Variants in MBD5 observed in about 807,000 individuals in gnomAD.
The protein encoded by MBD5 is methyl-CpG binding domain protein 5, also known as methyl-CpG-binding domain protein 5.
MBD5 carries 13 observed loss-of-function variants against 117.3 expected under a neutral mutation model. The ratio of observed to expected loss-of-function variants is 0.11; its 90% CI spans 0.07 to 0.18. The LOEUF (loss-of-function observed/expected upper bound fraction) is 0.18, where lower values mean the gene tolerates loss of function less well. Ranked by LOEUF, MBD5 falls within the 10% of genes least tolerant of loss-of-function variation. The pLI is 1.00. For missense variants in MBD5, 1,879 were observed against 2,093.8 expected (o/e 0.90, Z 2.00); for synonymous variants, 727 against 766.4 (o/e 0.95, Z 0.85).
At chr2:148,202,747 G>T (rs1314075312) in intron 2 of MBD5, among the ~76,000 whole-genome samples, 1 of 151,956 alleles carries the variant, frequency 6.6e-6, no homozygotes, top group Non-Finnish European at 1.5e-5. Context: ...AGTTCTTTAG[G>T]CCAGGTGTGG....
intron 1 of MBD5, among the ~76,000 whole-genome samples, chr2:148,096,197 A>G (rs1346849716): frequency 6.6e-6 from 1 of 152,186 alleles, no homozygotes; most frequent in Admixed American, 6.5e-5. Flanking sequence ...AAGCTGTAGA[A>G]TCATACAATA....
At chr2:148,329,873 G>T (rs970379338) in intron 3 of MBD5, among the ~76,000 whole-genome samples, 16 of 151,998 alleles carry the variant, frequency 1.1e-4, no homozygotes, top group African/African-American at 3.6e-4. Context: ...CATTAGGCTT[G>T]TTTTATAAAA....
intron 4 of MBD5, among the ~76,000 whole-genome samples, chr2:148,391,631 T>C (rs920221413): frequency 3.3e-5 from 5 of 152,178 alleles, no homozygotes; most frequent in Non-Finnish European, 5.9e-5. Flanking sequence ...CTCTCTAATA[T>C]GGTCATCTTC....
At chr2:148,202,877 A>C (rs1699177668) in intron 2 of MBD5, among the ~76,000 whole-genome samples, 1 of 152,074 alleles carries the variant, frequency 6.6e-6, no homozygotes, top group African/African-American at 2.4e-5. Flanking sequence ...TAAATAAATA[A>C]TAAAAAGCAA....
intron 2 of MBD5, among the ~76,000 whole-genome samples, chr2:148,205,503 T>C (rs188853648): frequency 1.7e-4 from 26 of 152,100 alleles, no homozygotes; most frequent in African/African-American, 5.5e-4. Flanking sequence ...ATATGATGAA[T>C]GAAAGAAAAA....
intron 4 of MBD5, among the ~76,000 whole-genome samples, chr2:148,438,065 G>T (rs1334733231): frequency 6.6e-6 from 1 of 152,168 alleles, no homozygotes; most frequent in Non-Finnish European, 1.5e-5. Context: ...TACTTTCGTG[G>T]AGTCAAATTT....
In MBD5 at chr2:148,352,969, A is replaced by G. The variant is rs574701714; in HGVS notation, c.-557+10633A>G. Among the ~76,000 whole-genome samples the G allele has an allele frequency of 3.9e-5, 6 of 152,248 alleles. 1 individual carries two copies. In the South Asian group the frequency reaches 1.2e-3, roughly 32 times the overall value. On this transcript the variant is annotated intron_variant, in intron 4 of 13. Transcript: ENST00000642680. ...GAAATCAAAACTGTCATGTTTCTGG[A>G]GAAAGCATATGTAAAATTTTACTCA...
rs548361130 is a variant in MBD5, at chr2:148,156,919, G to A, written c.-924-21781G>A. ...CAGAAAGCTTATCTGCCTATTGACT[G>A]CTCCTCTTCCATAGCTAGCACAGTT... On this transcript the variant is annotated intron_variant, in intron 1 of 13. Transcript: ENST00000642680. 2.0e-5 allele frequency among the ~76,000 whole-genome samples: 3 copies of A among 152,162 alleles called. No homozygotes were observed. The South Asian group carries it at 6.2e-4, about 32-fold the overall frequency.
At chr2:148,285,424 A>G (rs900421423) in intron 3 of MBD5, among the ~76,000 whole-genome samples, 4 of 152,246 alleles carry the variant, frequency 2.6e-5, no homozygotes, top group Non-Finnish European at 5.9e-5. Flanking sequence ...TAAACATACT[A>G]AAAGAAAGAA....
intron 3 of MBD5, among the ~76,000 whole-genome samples, chr2:148,294,196 GTTTTTTTTTT>G (rs60942822): frequency 3.9e-5 from 5 of 127,146 alleles, no homozygotes; most frequent in Admixed American, 3.2e-4. Flanking sequence ...CCAGAATGAA[GTTTTTTTTTT>G]TTTTTTTTTT....
At chr2:148,225,797 A>G (rs1699803630) in intron 2 of MBD5, among the ~76,000 whole-genome samples, 1 of 152,158 alleles carries the variant, frequency 6.6e-6, no homozygotes, top group Non-Finnish European at 1.5e-5. Flanking sequence ...TGGCCTGTGA[A>G]GTATGAAATG....
At chr2:148,025,082 G>T (rs1693858753) in intron 1 of MBD5, 1 of 152,160 alleles carries the variant, frequency 6.6e-6, no homozygotes, top group Admixed American at 6.5e-5. Flanking sequence ...TTGCAAACTT[G>T]TCTGGATTTT....
chr2:148,287,845 C>T (rs1701399548), intron 3 of MBD5, among the ~76,000 whole-genome samples: 1 of 152,148 alleles, frequency 6.6e-6, no homozygotes, highest in Non-Finnish European at 1.5e-5. Context: ...GCAGACCCCT[C>T]ATAACCTAAT....
chr2:148,452,565 T>C (rs901017292), intron 4 of MBD5, among the ~76,000 whole-genome samples: 1 of 143,820 alleles, frequency 7.0e-6, no homozygotes, highest in East Asian at 2.1e-4. Flanking sequence ...TATTATTAGG[T>C]TGACAATAAT....
intron 3 of MBD5, among the ~76,000 whole-genome samples, chr2:148,267,574 C>T (rs1248610561): frequency 2.0e-5 from 3 of 152,240 alleles, no homozygotes; most frequent in African/African-American, 7.2e-5. Flanking sequence ...ATCTCCATTC[C>T]TTCCCCTTGC....
At chr2:148,470,546 TAAG>T in intron 8 of MBD5, 85 bp downstream of exon 8, 1 of 1,050,804 alleles carries the variant, frequency 9.5e-7, no homozygotes. Context: ...TTTATTATGA[TAAG>T]AAATGATCCT....
chr2:148,203,435 C>T (rs1230856226), intron 2 of MBD5, among the ~76,000 whole-genome samples: 6 of 152,104 alleles, frequency 3.9e-5, no homozygotes, highest in Non-Finnish European at 8.8e-5. Flanking sequence ...TTCTAGTGCT[C>T]GCTTGATGTC....
At chr2:148,315,690 C>G (rs1191813990) in intron 3 of MBD5, among the ~76,000 whole-genome samples, 4 of 152,150 alleles carry the variant, frequency 2.6e-5, no homozygotes, top group South Asian at 2.1e-4. Context: ...AAATCCATTC[C>G]TCTACCCATC....
chr2:148,245,216 C>G (rs576386678), intron 3 of MBD5, among the ~76,000 whole-genome samples: 2 of 152,058 alleles, frequency 1.3e-5, no homozygotes, highest in East Asian at 3.9e-4. Context: ...GAGACCCTGT[C>G]TCTACAAAAA....
Sources: allele counts gnomAD v4.1 joint callset (sites outside exome capture counted in the v4.1 genomes callset), GRCh38; gene constraint gnomAD v4.1.1; transcripts MANE v1.5; gene names NCBI Gene and HGNC (gene_info 2026-07-23, HGNC 2026-07-21).